Variants in RGSL1 observed in about 807,000 individuals in gnomAD.
The protein encoded by RGSL1 is regulator of G protein signaling like 1, also known as regulator of G protein signaling protein-like.
RGSL1 carries 97 observed loss-of-function variants against 124.7 expected under a neutral mutation model. The ratio of observed to expected loss-of-function variants is 0.78; its 90% CI spans 0.66 to 0.92. The LOEUF (loss-of-function observed/expected upper bound fraction) is 0.92. Ranked by LOEUF, RGSL1 falls within the 40% of genes least tolerant of loss-of-function variation. The probability of loss-of-function intolerance (pLI) is 0.00; values close to 1 mark genes in which losing one functional copy is unlikely to be tolerated. For synonymous variants in RGSL1, 424 were observed against 438.1 expected (o/e 0.97, Z 0.40); for missense variants, 1,233 against 1,288.4 (o/e 0.96, Z 0.66).
Position 182,472,529 on chromosome 1 carries a change from G to T in RGSL1, c.435G>T (p.Arg145Ser). 1 of 1,546,870 alleles carries T rather than the reference G, an allele frequency of 6.5e-7. No homozygotes were observed. The highest frequency in any genetic ancestry group is 8.7e-7 in the Non-Finnish European group (1 of 1,144,104). Residue 145 changes from arginine (R) to serine (S), a missense_variant, in exon 5 of 22, where the codon AGG becomes AGT. Coordinates refer to ENST00000294854, the MANE Select transcript of RGSL1 (RefSeq NM_001137669.2). ...LRATHLQEGS[R>S]VVTLCNMNIK... ...CCACTCATCTGCAGGAGGGCTCCAG[G>T]GTGGTAACCCTCTGTAACATGAACA...
intron 14 of RGSL1, among the ~76,000 whole-genome samples, chr1:182,537,606 T>C (rs1278535220): frequency 3.3e-5 from 5 of 152,238 alleles, no homozygotes; most frequent in African/African-American, 1.2e-4. Flanking sequence ...TTCTTTTGGA[T>C]CTTCTTTTTA....
At chr1:182,486,102 G>A (rs1655075287) in intron 6 of RGSL1, among the ~76,000 whole-genome samples, 2 of 152,142 alleles carry the variant, frequency 1.3e-5, no homozygotes, top group Admixed American at 1.3e-4. Flanking sequence ...TGATGGACAA[G>A]CTCAATTCTA....
intron 5 of RGSL1, 118 bp from the exon 6 acceptor site, chr1:182,473,457 G>A: frequency 8.9e-7 from 1 of 1,127,282 alleles, no homozygotes; most frequent in Non-Finnish European, 1.2e-6. Flanking sequence ...GATTATATGA[G>A]GAACTAATAA....
At chr1:182,530,451 T>C in intron 12 of RGSL1, 90 bp downstream of exon 12, 1 of 1,014,360 alleles carries the variant, frequency 9.9e-7, no homozygotes, top group South Asian at 1.5e-5. Context: ...CTAATCCATT[T>C]TCATAGCTCA....
intron 14 of RGSL1, among the ~76,000 whole-genome samples, chr1:182,537,640 C>A (rs1456888404): frequency 6.6e-6 from 1 of 152,098 alleles, no homozygotes; most frequent in South Asian, 2.1e-4. Flanking sequence ...GAATCCAGAG[C>A]CATGTTATTT....
In RGSL1 at chr1:182,460,024, A is replaced by G; in HGVS notation, c.192A>G (p.Leu64=). 3 of 1,551,596 alleles carry G rather than the reference A, an allele frequency of 1.9e-6. No homozygotes were observed. The highest frequency in any genetic ancestry group is 2.6e-6 in the Non-Finnish European group (3 of 1,146,956). ...TCTAGATTGCCAAATACAAAGGGTT[A>G]TTGACCTGGTTGGAAAAATGCCGAT... ...PCNLIAKYKG[L]LTWLEKCRLP... The change falls in exon 4 of 22, where the codon TTA becomes TTG. Residue 64 remains leucine (L), a synonymous_variant. Coordinates refer to ENST00000294854, the MANE Select transcript of RGSL1 (RefSeq NM_001137669.2).
intron 5 of RGSL1, 143 bp from the exon 6 acceptor site, chr1:182,473,432 C>G (rs1467039299): frequency 4.5e-6 from 4 of 898,188 alleles, no homozygotes; most frequent in Non-Finnish European, 6.4e-6. Flanking sequence ...TATATTTAAA[C>G]TATTCATACT....
At chr1:182,528,505 C>T (rs1658924755) in intron 11 of RGSL1, among the ~76,000 whole-genome samples, 1 of 152,200 alleles carries the variant, frequency 6.6e-6, no homozygotes, top group African/African-American at 2.4e-5. Flanking sequence ...AAGTTAGTTA[C>T]TTCCTAGATA....
intron 18 of RGSL1, among the ~76,000 whole-genome samples, chr1:182,552,724 G>A (rs958380119): frequency 1.7e-4 from 26 of 152,210 alleles, no homozygotes; most frequent in Admixed American, 1.7e-3. Context: ...AAGTCCAAGA[G>A]CATGACACTA....
chr1:182,485,299 T>A (rs1655016850), intron 6 of RGSL1, among the ~76,000 whole-genome samples: 1 of 152,244 alleles, frequency 6.6e-6, no homozygotes, highest in Admixed American at 6.5e-5. Context: ...TCTGTGTTCA[T>A]CAGGGTTTCT....
intron 9 of RGSL1, among the ~76,000 whole-genome samples, chr1:182,517,772 G>T (rs1257535394): frequency 6.6e-6 from 1 of 151,992 alleles, no homozygotes. Flanking sequence ...ATGGCTTTCC[G>T]AATTGTTTTT....
intron 14 of RGSL1, among the ~76,000 whole-genome samples, chr1:182,534,428 T>A (rs1376619630): frequency 6.6e-6 from 1 of 152,266 alleles, no homozygotes; most frequent in South Asian, 2.1e-4. Flanking sequence ...GTTTATGCCC[T>A]TTGTCTATTT....
chr1:182,541,423 A>G (rs142970157), intron 15 of RGSL1, among the ~76,000 whole-genome samples: 53 of 152,272 alleles, frequency 3.5e-4, no homozygotes, highest in Non-Finnish European at 6.9e-4. Flanking sequence ...TCTGTGGCTT[A>G]ATACTATTTT....
chr1:182,453,219 T>C (rs1180117072), intron 1 of RGSL1, among the ~76,000 whole-genome samples: 3 of 152,244 alleles, frequency 2.0e-5, no homozygotes, highest in African/African-American at 4.8e-5. Flanking sequence ...AAAGCTCTTG[T>C]CAGGCAGTAA....
intron 10 of RGSL1, among the ~76,000 whole-genome samples, chr1:182,522,588 C>T (rs1658429076): frequency 6.6e-6 from 1 of 152,142 alleles, no homozygotes; most frequent in Non-Finnish European, 1.5e-5. Flanking sequence ...CTGGTAAGGT[C>T]CCACAACTAG....
chr1:182,459,314 T>TTAG (rs1157398197), intron 3 of RGSL1, among the ~76,000 whole-genome samples: 3 of 152,140 alleles, frequency 2.0e-5, no homozygotes, highest in Non-Finnish European at 4.4e-5. Flanking sequence ...TATGTAGACC[T>TTAG]TAGACTTACC....
chr1:182,457,538 G>A (rs910146520), intron 2 of RGSL1, among the ~76,000 whole-genome samples: 1 of 152,184 alleles, frequency 6.6e-6, no homozygotes. Flanking sequence ...ATGGGATTGA[G>A]GGAAGAGGGC....
chr1:182,474,287 T>G lies in RGSL1; in HGVS notation c.1176T>G (p.Asn392Lys). Residue 392 changes from asparagine to lysine, a missense_variant, in exon 6 of 22, where the codon AAT (asparagine) becomes AAG (lysine). Asn to Lys is a moderately conservative substitution (Grantham distance 94, BLOSUM62 0). Coordinates refer to ENST00000294854, the MANE Select transcript of RGSL1 (RefSeq NM_001137669.2). ...TCCGGGACCACCTGAAGAAGCTGAA[T>G]TTGAAAGTGGAGATCCAACTTCTTG... ...NPFRDHLKKL[N>K]LKVEIQLLDL... 6.4e-7 allele frequency: 1 copy of G among 1,551,772 alleles called. No homozygotes were observed. Among genetic ancestry groups the G allele is most frequent in the Non-Finnish European group, 8.7e-7 (1 of 1,147,002 alleles).
chr1:182,548,059 T>C (rs1321672743), intron 15 of RGSL1, among the ~76,000 whole-genome samples: 2 of 151,914 alleles, frequency 1.3e-5, no homozygotes, highest in African/African-American at 4.8e-5. Flanking sequence ...CCAGAATGGG[T>C]AAAGGAGGGA....
Sources: allele counts gnomAD v4.1 joint callset (sites outside exome capture counted in the v4.1 genomes callset), GRCh38; gene constraint gnomAD v4.1.1; transcripts MANE v1.5; gene names NCBI Gene and HGNC (gene_info 2026-07-23, HGNC 2026-07-21).